Variants in ZFYVE28 observed in about 807,000 individuals in gnomAD.
The protein encoded by ZFYVE28 is zinc finger FYVE-type containing 28.
A neutral mutation model predicts 82.1 loss-of-function variants in ZFYVE28; 40 were observed. The observed-to-expected ratio is 0.49, with a 90% CI of 0.38 to 0.63. ZFYVE28 has a LOEUF of 0.63. Ranked by LOEUF, ZFYVE28 falls within the 30% of genes least tolerant of loss-of-function variation. ZFYVE28 has a pLI of 0.00. For synonymous variants in ZFYVE28, 612 were observed against 546.1 expected (o/e 1.12, Z -1.68); for missense variants, 1,321 against 1,242.1 (o/e 1.06, Z -0.96).
chr4:2,332,542 C>T lies in ZFYVE28; in HGVS notation c.701+3163G>A, dbSNP rs1720875835. On this transcript the variant is annotated intron_variant, in intron 6 of 12. Transcript: ENST00000290974. This position sits in a 1 kb window ranked among gnomAD's most constrained non-coding sequence, Gnocchi z 4.7. Reference sequence around the variant, plus strand: ...AACATTCCACAGCACTGTGGGTCAGCCCATCTGTCCATCTCCCTGGTACAA... The same window carrying T: ...AACATTCCACAGCACTGTGGGTCAGTCCATCTGTCCATCTCCCTGGTACAA... Among the ~76,000 whole-genome samples, 1 of 152,184 alleles carries T rather than the reference C, an allele frequency of 6.6e-6. No homozygotes were observed. The highest frequency in any genetic ancestry group is 1.5e-5 in the Non-Finnish European group (1 of 68,028).
At chr4:2,414,960 A>T (rs906018047) in intron 1 of ZFYVE28, among the ~76,000 whole-genome samples, 4 of 152,258 alleles carry the variant, frequency 2.6e-5, no homozygotes, top group Non-Finnish European at 5.9e-5. Flanking sequence ...TCAATAAAGC[A>T]GGACAAGCTG....
In ZFYVE28 at chr4:2,341,223, G is replaced by A; in HGVS notation, c.318+255C>T. 1 of 563,070 alleles carries A rather than the reference G, an allele frequency of 1.8e-6. No individual in the cohort carries two copies. The highest frequency in any genetic ancestry group is 3.1e-6 in the Non-Finnish European group (1 of 317,510). 34.9% of individuals were successfully genotyped at this position (563,070 alleles called of 1,614,324 possible). ...AGGTCCTGGCTGTCTGGGGGCCTGT[G>A]AACCTCATAAAAACCACATGGGAAA... On this transcript the variant is annotated intron_variant, in intron 3 of 12. Coordinates refer to ENST00000290974, the MANE Select transcript of ZFYVE28 (RefSeq NM_020972.3). This position sits in a 1 kb window ranked among gnomAD's most constrained non-coding sequence, Gnocchi z 4.5.
At chr4:2,359,975 C>T (rs1725881511) in intron 1 of ZFYVE28, among the ~76,000 whole-genome samples, 1 of 152,216 alleles carries the variant, frequency 6.6e-6, no homozygotes, top group African/African-American at 2.4e-5. Context: ...CCCCCTCGGG[C>T]CCTGGACCTG....
intron 1 of ZFYVE28, among the ~76,000 whole-genome samples, chr4:2,389,902 T>A (rs1021511616): frequency 1.1e-4 from 17 of 152,196 alleles, no homozygotes; most frequent in Admixed American, 1.0e-3. Context: ...CGGCATCCCC[T>A]CCAGCCTCAG....
chr4:2,382,530 C>T (rs1728832436), intron 1 of ZFYVE28, among the ~76,000 whole-genome samples: 1 of 152,218 alleles, frequency 6.6e-6, no homozygotes, highest in African/African-American at 2.4e-5. Flanking sequence ...GGATTTCGGA[C>T]TTGCATGGGC....
At chr4:2,294,616 A>C (rs1714252058) in intron 8 of ZFYVE28, among the ~76,000 whole-genome samples, 1 of 152,260 alleles carries the variant, frequency 6.6e-6, no homozygotes, top group African/African-American at 2.4e-5. Flanking sequence ...TCAAAATTAA[A>C]AAGTTTTGCT....
intron 1 of ZFYVE28, among the ~76,000 whole-genome samples, chr4:2,377,983 A>G (rs916537902): frequency 7.9e-5 from 12 of 152,242 alleles, no homozygotes; most frequent in African/African-American, 2.2e-4. Flanking sequence ...AGTATACTGT[A>G]GACAACTGTA....
intron 7 of ZFYVE28, among the ~76,000 whole-genome samples, chr4:2,306,391 A>G (rs992967976): frequency 1.1e-4 from 16 of 152,254 alleles, no homozygotes; most frequent in African/African-American, 3.9e-4. Flanking sequence ...CCATGTGAAT[A>G]GCACCCAGAT....
Position 2,305,497 on chromosome 4 carries a change from C to A in ZFYVE28, c.843G>T (p.Thr281=). Residue 281 remains threonine, a synonymous_variant, in exon 8 of 13, where the codon ACG becomes ACT. Coordinates refer to ENST00000290974, the MANE Select transcript of ZFYVE28 (RefSeq NM_020972.3). The part of the protein sequence containing the change: ...LQTLTEEELH[T]LERNLCISQD... ...GGGAAATGCAGAGGTTCCGTTCCAG[C>A]GTGTGCAGCTCCTCCTCCGTCAGCG... 1.2e-6 allele frequency: 2 copies of A among 1,612,964 alleles called. No homozygotes were observed. The highest frequency in any genetic ancestry group is 1.7e-6 in the Non-Finnish European group (2 of 1,180,030).
Position 2,381,581 on chromosome 4 carries a change from A to G in ZFYVE28, c.40-27508T>C, listed in dbSNP as rs141819716. On this transcript the variant is annotated intron_variant, in intron 1 of 12. Transcript: ENST00000290974. ...ACCACCATGCCCGGCTAATTTTTGT[A>G]TTTTTAGTAGAGATGGGGTTCCACC... is the stretch of plus-strand genomic sequence containing the variant. Among the ~76,000 whole-genome samples, 714 of 152,104 alleles carry G rather than the reference A, an allele frequency of 4.7e-3. 4 individuals are homozygous for G. Among genetic ancestry groups the G allele is most frequent in the African/African-American group, 0.016 (683 of 41,470 alleles).
chr4:2,307,400 TTTTC>T (rs1187088674), intron 7 of ZFYVE28, among the ~76,000 whole-genome samples: 1 of 152,202 alleles, frequency 6.6e-6, no homozygotes, highest in Non-Finnish European at 1.5e-5. Context: ...TTATAACATT[TTTTC>T]TTTATGATTA....
rs1484329353 is a variant in ZFYVE28, at chr4:2,417,114, G to A, written c.39+1171C>T. ...AAAGGCGGCCAGTGGAGGGAGGAGG[G>A]GTAGGTCGGCAACGCGGTGGCCTCG... On this transcript the variant is annotated intron_variant, in intron 1 of 12. Coordinates refer to ENST00000290974, the MANE Select transcript of ZFYVE28 (RefSeq NM_020972.3). This position sits in a 1 kb window ranked among gnomAD's most constrained non-coding sequence, Gnocchi z 4.8. 2.0e-5 allele frequency among the ~76,000 whole-genome samples: 3 copies of A among 152,228 alleles called. No homozygotes were observed. The highest frequency in any genetic ancestry group is 4.8e-5 in the African/African-American group (2 of 41,466).
At position 2,332,940 on chromosome 4, in the gene ZFYVE28, AC is replaced by A. The variant is rs1176298702; in HGVS notation, c.701+2764del. Among the ~76,000 whole-genome samples, 3 of 151,460 alleles carry A rather than the reference AC, an allele frequency of 2.0e-5. No individual in the cohort carries two copies. The highest frequency in any genetic ancestry group is 7.3e-5 in the African/African-American group (3 of 41,182). On this transcript the variant is annotated intron_variant, in intron 6 of 12. Transcript: ENST00000290974. The surrounding 1 kb of genome is among the most constrained non-coding windows in gnomAD (Gnocchi z 4.7). ...CCTCTGTGGGGGCTCACAGCTGGCC[AC>A]CCCCCTGGACAGGCCTGCTCCCTGG...
chr4:2,292,627 C>T (rs746296430), intron 8 of ZFYVE28, among the ~76,000 whole-genome samples: 1 of 152,188 alleles, frequency 6.6e-6, no homozygotes, highest in Non-Finnish European at 1.5e-5. Context: ...GATGATAATT[C>T]AACAGACAGT....
At position 2,304,763 on chromosome 4, in the gene ZFYVE28, G is replaced by A. The variant is rs988422580; in HGVS notation, c.1577C>T (p.Ser526Phe). The A allele has an allele frequency of 6.2e-7, 1 of 1,612,656 alleles. No homozygotes were observed. Among genetic ancestry groups the A allele is most frequent in the Non-Finnish European group, 8.5e-7 (1 of 1,179,942 alleles). The change falls in exon 8 of 13, where the codon TCC (serine) becomes TTC (phenylalanine). Residue 526 changes from serine (S) to phenylalanine (F), a missense_variant. Coordinates refer to ENST00000290974, the MANE Select transcript of ZFYVE28 (RefSeq NM_020972.3). ...CTGGGTGGCGACCGCAGAGTCCAGG[G>A]AAGTGGGCGATTTGGGGTTGAAGAT... ...TVIFNPKSPT[S>F]LDSAVATQEA... is the part of the protein sequence containing the mutation.
At chr4:2,336,845 T>C (rs1281890194) in intron 5 of ZFYVE28, among the ~76,000 whole-genome samples, 1 of 87,898 alleles carries the variant, frequency 1.1e-5, no homozygotes, top group Non-Finnish European at 2.2e-5. Flanking sequence ...AGTGAGGAGG[T>C]GAGGAGTGAG....
chr4:2,355,533 G>C (rs1578226129), intron 1 of ZFYVE28, among the ~76,000 whole-genome samples: 1 of 151,200 alleles, frequency 6.6e-6, no homozygotes, highest in East Asian at 2.0e-4. Flanking sequence ...ACCCGCCTCA[G>C]CCTTCCAAAG....
chr4:2,304,393 C>A lies in ZFYVE28; in HGVS notation c.1947G>T (p.Leu649=). Residue 649 remains leucine (L), a synonymous_variant, in exon 8 of 13, where the codon CTG becomes CTT. Transcript: ENST00000290974. ...GACCTGCAACCCCAGCCTCTCCTTG[C>A]AGCCCACTCGCTGTGTCCACCTGGG... ...SGSQVDTASG[L]QGEAGVAGQQ... 1 of 1,613,002 alleles carries A rather than the reference C, an allele frequency of 6.2e-7. No individual in the cohort carries two copies. Among genetic ancestry groups the A allele is most frequent in the South Asian group, 1.1e-5 (1 of 91,092 alleles).
At chr4:2,273,502 G>C (rs1736104478) in intron 9 of ZFYVE28, among the ~76,000 whole-genome samples, 1 of 152,166 alleles carries the variant, frequency 6.6e-6, no homozygotes, top group Non-Finnish European at 1.5e-5. Context: ...GGGGAAGGGA[G>C]ACGACCAGAC....
Sources: gnomAD v4.1 joint callset for allele counts (sites outside exome capture counted in the v4.1 genomes callset) on GRCh38, gnomAD v4.1.1 for gene constraint, Gnocchi (gnomAD v3.1) non-coding constraint, MANE v1.5 for transcripts, NCBI Gene and HGNC (gene_info 2026-07-23, HGNC 2026-07-21) for gene names.